RC3H2: variants seen among roughly 807,000 people sequenced by gnomAD.
The protein encoded by RC3H2 is roquin-2.
A neutral mutation model predicts 133.3 loss-of-function variants in RC3H2; 31 were observed. The observed-to-expected ratio is 0.23, with a 90% CI of 0.17 to 0.31. RC3H2 has a LOEUF of 0.31. Among genes scored for constraint, RC3H2 ranks in the 10% least tolerant of loss-of-function variants. The probability of loss-of-function intolerance (pLI) is 1.00; values close to 1 mark genes in which losing one functional copy is unlikely to be tolerated. For synonymous variants in RC3H2, 517 were observed against 502.2 expected, an observed-to-expected ratio of 1.03 and a Z score of -0.40; for missense variants, 1,175 against 1,437.2, an observed-to-expected ratio of 0.82 and a Z score of 2.95.
chr9:122,893,743 G>GT (rs1554774517), intron 2 of RC3H2, among the ~76,000 whole-genome samples: 69 of 151,346 alleles, frequency 4.6e-4, no homozygotes, highest in African/African-American at 1.4e-3. Context: ...AGACACAGTT[G>GT]TTTTTTTTTC....
At chr9:122,886,735 T>A (rs2596702) in intron 4 of RC3H2, among the ~76,000 whole-genome samples, 109,989 of 152,128 alleles carry the variant, frequency 0.72, 41,905 homozygotes, top group Middle Eastern at 0.87. Context: ...TAAACAAGTA[T>A]GTCCCTGTGA....
chr9:122,876,879 G>A (rs1054832788), intron 9 of RC3H2, among the ~76,000 whole-genome samples: 11 of 152,124 alleles, frequency 7.2e-5, no homozygotes, highest in South Asian at 2.1e-4. Context: ...GCCGTAAAAA[G>A]GATATATATC....
chr9:122,864,425 G>A (rs1396806581), intron 10 of RC3H2, among the ~76,000 whole-genome samples: 2 of 152,118 alleles, frequency 1.3e-5, no homozygotes, highest in Non-Finnish European at 2.9e-5. Flanking sequence ...CTATCTGGTA[G>A]GCATTGTTCA....
chr9:122,893,804 T>C (rs1832299372), intron 2 of RC3H2, among the ~76,000 whole-genome samples: 1 of 152,206 alleles, frequency 6.6e-6, no homozygotes, highest in African/African-American at 2.4e-5. Context: ...AGATAAGCAT[T>C]ATTAAGACAG....
chr9:122,852,266 G>C (rs1231907028), intron 18 of RC3H2, among the ~76,000 whole-genome samples: 1 of 146,822 alleles, frequency 6.8e-6, no homozygotes, highest in African/African-American at 2.6e-5. Context: ...CCCGGCAGCC[G>C]CCCCGTATGA....
intron 9 of RC3H2, 88 bp from the exon 10 acceptor site, chr9:122,865,745 G>T: frequency 9.2e-7 from 1 of 1,091,440 alleles, no homozygotes; most frequent in Non-Finnish European, 1.3e-6. Flanking sequence ...GGAATAGATT[G>T]AAAAAGGAGG....
chr9:122,868,562 T>C (rs1257850509), intron 9 of RC3H2, among the ~76,000 whole-genome samples: 5 of 151,786 alleles, frequency 3.3e-5, no homozygotes, highest in African/African-American at 4.8e-5. Flanking sequence ...TTAAGAGTCA[T>C]CACCACTCCC....
At chr9:122,867,192 A>C (rs1241482333) in intron 9 of RC3H2, among the ~76,000 whole-genome samples, 14 of 122,550 alleles carry the variant, frequency 1.1e-4, no homozygotes, top group Admixed American at 2.3e-4. Flanking sequence ...AGAAGTGAGG[A>C]GCGTCTCCGC....
chr9:122,881,372 C>T (rs1327375445), intron 5 of RC3H2, among the ~76,000 whole-genome samples: 2 of 150,586 alleles, frequency 1.3e-5, no homozygotes. Flanking sequence ...CGCCTGTACT[C>T]CCACCTACTC....
intron 13 of RC3H2, 133 bp from the exon 14 acceptor site, chr9:122,856,011 T>C (rs1830234975): frequency 3.2e-6 from 2 of 628,292 alleles, no homozygotes; most frequent in Non-Finnish European, 5.0e-6. Context: ...ATAACTAATA[T>C]AAAAAACTGT....
rs987794159 is a variant in RC3H2, at chr9:122,846,081, T to A, written c.*3546A>T. ...ATCCAAAAGCAAACTAGATGGTTTT[T>A]AAAATAATTTTTCAAATGTTTAAAT... is the stretch of plus-strand genomic sequence containing the variant. On this transcript the variant is annotated 3_prime_UTR_variant, in exon 21 of 21. Transcript: ENST00000357244. 1 of 152,188 alleles carries A rather than the reference T, an allele frequency of 6.6e-6. No homozygotes were observed. The highest frequency in any genetic ancestry group is 2.4e-5 in the African/African-American group (1 of 41,462). The allele number at this position is 152,188 out of a possible 1,614,324, so 9.4% of individuals were successfully genotyped here. A position where few individuals can be genotyped will look rare whatever the true frequency, so the allele number is the denominator to read the frequency against.
intron 18 of RC3H2, among the ~76,000 whole-genome samples, chr9:122,852,171 T>C (rs1310497923): frequency 9.0e-5 from 10 of 111,078 alleles, no homozygotes; most frequent in African/African-American, 2.8e-4. Context: ...ATGTGAGGAA[T>C]GCCTCTGCCC....
At chr9:122,881,956 C>T (rs948650344) in intron 5 of RC3H2, among the ~76,000 whole-genome samples, 2 of 152,094 alleles carry the variant, frequency 1.3e-5, no homozygotes, top group African/African-American at 4.8e-5. Flanking sequence ...ATTACCACTA[C>T]CACATGATAA....
intron 6 of RC3H2, chr9:122,880,390 T>C (rs1831566639): frequency 1.4e-6 from 1 of 694,850 alleles, no homozygotes; most frequent in African/African-American, 1.8e-5. Flanking sequence ...ACTGCTTTTA[T>C]GCTAGTATCA....
intron 18 of RC3H2, among the ~76,000 whole-genome samples, chr9:122,851,920 C>A (rs1390355909): frequency 6.6e-6 from 1 of 151,980 alleles, no homozygotes. Context: ...GGCCGCCACC[C>A]CGTCTGGGAA....
intron 9 of RC3H2, chr9:122,874,377 G>A (rs1022857890): frequency 6.6e-6 from 1 of 151,874 alleles, no homozygotes; most frequent in African/African-American, 2.4e-5. Context: ...TTGAGATATA[G>A]GAAGATACTG....
chr9:122,874,130 A>G (rs1359455600), intron 9 of RC3H2: 1 of 152,248 alleles, frequency 6.6e-6, no homozygotes, highest in Non-Finnish European at 1.5e-5. Context: ...GAGGAGAGAG[A>G]AAATAATACA....
At chr9:122,868,813 T>G (rs1368405150) in intron 9 of RC3H2, among the ~76,000 whole-genome samples, 1 of 149,010 alleles carries the variant, frequency 6.7e-6, no homozygotes, top group African/African-American at 2.5e-5. Flanking sequence ...CATTATAATA[T>G]AATCCTTAAC....
At position 122,905,287 on chromosome 9, in the gene RC3H2, GCCTCCTCCTCCTCCCTCCACCTCCGCCT is replaced by G. The variant is rs1384998691; in HGVS notation, c.-273_-246del. 6 of 985,774 alleles carry G rather than the reference GCCTCCTCCTCCTCCCTCCACCTCCGCCT, an allele frequency of 6.1e-6. No homozygotes were observed. The highest frequency in any genetic ancestry group is 1.7e-5 in the African/African-American group (1 of 57,346). The allele number at this position is 985,774 out of a possible 1,614,324, so 61.1% of individuals were successfully genotyped here. On this transcript the variant is annotated 5_prime_UTR_variant, in exon 1 of 21. Coordinates refer to ENST00000357244, the MANE Select transcript of RC3H2 (RefSeq NM_001100588.3). The stretch of plus-strand genomic sequence containing the variant: ...TGGCGGCGGCGAAGGCCGCGACGGG[GCCTCCTCCTCCTCCCTCCACCTCCGCCT>G]CCTCCTCCTCCTCCTCCTCACCACG...
Sources: allele counts gnomAD v4.1 joint callset (sites outside exome capture counted in the v4.1 genomes callset), GRCh38; gene constraint gnomAD v4.1.1; transcripts MANE v1.5; gene names NCBI Gene and HGNC (gene_info 2026-07-23, HGNC 2026-07-21).